The following RBMXL2 variants were observed in gnomAD, a reference collection of about 807,000 sequenced individuals.
RBMXL2 encodes RNA-binding motif protein, X-linked-like-2.
In RBMXL2, 2 loss-of-function variants were observed where a neutral mutation model predicts 1.0. The ratio of observed to expected loss-of-function variants is 2.05; its 90% CI spans 0.84 to 6.44. The LOEUF (loss-of-function observed/expected upper bound fraction) is 6.44, where lower values mean the gene tolerates loss of function less well. RBMXL2 is among the 30% of genes most tolerant of loss of function. RBMXL2 has a pLI of 0.05. For synonymous variants in RBMXL2, 313 were observed against 267.9 expected (o/e 1.17, Z -1.64); for missense variants, 658 against 608.5 (o/e 1.08, Z -0.85).
In RBMXL2 at chr11:7,089,603, C is replaced by G; in HGVS notation, c.483C>G (p.Pro161=). ...GPPPRRVGPP[P]KRAAPSGPAR... ...CGCCGCGCAGGGTCGGCCCACCCCC[C>G]AAGAGGGCCGCGCCGTCGGGCCCGG... is the stretch of plus-strand genomic sequence containing the variant. The change falls in exon 1 of 1, where the codon CCC becomes CCG. Residue 161 remains proline (P), a synonymous_variant. Transcript: ENST00000306904. 3.3e-6 allele frequency: 4 copies of G among 1,195,804 alleles called. No homozygotes were observed. The highest frequency in any genetic ancestry group is 2.1e-6 in the Non-Finnish European group (2 of 965,440). 74.1% of individuals were successfully genotyped at this position (1,195,804 alleles called of 1,614,324 possible).
In RBMXL2 at chr11:7,089,933, G is replaced by C. The variant is rs138708788; in HGVS notation, c.813G>C (p.Gly271=). Residue 271 remains glycine, a synonymous_variant, in exon 1 of 1, where the codon GGG becomes GGC. Coordinates refer to ENST00000306904, the MANE Select transcript of RBMXL2 (RefSeq NM_014469.5). ...ACGGAGGTCGCGACCGTGACTACGG[G>C]GATCATCTGAGCAGAGGCTCCCATC... ...DGYGGRDRDY[G]DHLSRGSHRE... The C allele has an allele frequency of 4.3e-6, 7 of 1,612,900 alleles. No individual in the cohort carries two copies. The African/African-American group carries it at 5.3e-5, about 12-fold the overall frequency.
chr11:7,089,945 C>A lies in RBMXL2; in HGVS notation c.825C>A (p.Ser275Arg). 6.2e-7 allele frequency: 1 copy of A among 1,613,054 alleles called. No individual in the cohort carries two copies. The highest frequency in any genetic ancestry group is 1.1e-5 in the South Asian group (1 of 91,064). Residue 275 changes from serine (S) to arginine (R), a missense_variant, in exon 1 of 1, where the codon AGC becomes AGA. By Grantham distance (110) the Ser-to-Arg change is moderately radical. Transcript: ENST00000306904. ...ACCGTGACTACGGGGATCATCTGAG[C>A]AGAGGCTCCCATCGAGAGCCCTTTG... ...GRDRDYGDHL[S>R]RGSHREPFES...
rs1429854690 is a variant in RBMXL2 at position 7,090,433 on chromosome 11, C to A, written c.*134C>A. Reference sequence around the variant, plus strand: ...CCTTTTAAGAATTTCCTGTTAAGATCGTCTCCATTTTTATGCTTTTGGGAG... The same window carrying A: ...CCTTTTAAGAATTTCCTGTTAAGATAGTCTCCATTTTTATGCTTTTGGGAG... On this transcript the variant is annotated 3_prime_UTR_variant, in exon 1 of 1. Transcript: ENST00000306904. 1.5e-5 allele frequency: 18 copies of A among 1,179,550 alleles called. No individual in the cohort carries two copies. The highest frequency in any genetic ancestry group is 2.2e-5 in the Non-Finnish European group (18 of 821,000). 73.1% of individuals were successfully genotyped at this position (1,179,550 alleles called of 1,614,324 possible). A position where few individuals can be genotyped will look rare whatever the true frequency, so the allele number is the denominator to read the frequency against.
At position 7,089,685 on chromosome 11, in the gene RBMXL2, G is replaced by C; in HGVS notation, c.565G>C (p.Gly189Arg). Residue 189 changes from glycine (G) to arginine (R), a missense_variant, in exon 1 of 1, where the codon GGC becomes CGC. Transcript: ENST00000306904. ...GRALAVRGRD[G>R]YSGPPRREPL... is the part of the protein sequence containing the mutation. ...GGCCCTGGCCGTGCGGGGGCGAGAC[G>C]GCTACTCAGGCCCACCGCGCCGGGA... is the stretch of plus-strand genomic sequence containing the variant. 2 of 1,497,892 alleles carry C rather than the reference G, an allele frequency of 1.3e-6. No homozygotes were observed. The highest frequency in any genetic ancestry group is 1.8e-6 in the Non-Finnish European group (2 of 1,123,898). 92.8% of individuals were successfully genotyped at this position (1,497,892 alleles called of 1,614,324 possible).
chr11:7,089,880 T>G lies in RBMXL2; in HGVS notation c.760T>G (p.Leu254Val). Residue 254 changes from leucine to valine, a missense_variant, in exon 1 of 1, where the codon TTG (leucine) becomes GTG (valine). Transcript: ENST00000306904. Reference sequence around the variant, plus strand: ...CTCCAGTGTCCGGGACGACTGTCCCTTGAGAGGCTACAGCGACCGAGACGG... The same window carrying G: ...CTCCAGTGTCCGGGACGACTGTCCCGTGAGAGGCTACAGCGACCGAGACGG... ...GHSSVRDDCP[L>V]RGYSDRDGYG... is the part of the protein sequence containing the mutation. 6 of 1,612,666 alleles carry G rather than the reference T, an allele frequency of 3.7e-6. No individual in the cohort carries two copies. Among genetic ancestry groups the G allele is most frequent in the Non-Finnish European group, 5.1e-6 (6 of 1,179,922 alleles).
At position 7,090,685 on chromosome 11, in the gene RBMXL2, C is replaced by A; in HGVS notation, c.*386C>A. The A allele has an allele frequency of 4.9e-5, 15 of 306,732 alleles. No homozygotes were observed. The highest frequency in any genetic ancestry group is 8.5e-5 in the Non-Finnish European group (13 of 153,096). 19.0% of individuals were successfully genotyped at this position (306,732 alleles called of 1,614,324 possible). A position where few individuals can be genotyped will look rare whatever the true frequency, so the allele number is the denominator to read the frequency against. The stretch of plus-strand genomic sequence containing the variant: ...AAATGGAAAAACGGATCATTCTGCT[C>A]ATTTAAACCAACTAGATTTTGGGTG... On this transcript the variant is annotated 3_prime_UTR_variant, in exon 1 of 1. Transcript: ENST00000306904.
Position 7,090,389 on chromosome 11 carries a change from C to T in RBMXL2, c.*90C>T, listed in dbSNP as rs1446791847. On this transcript the variant is annotated 3_prime_UTR_variant, in exon 1 of 1. Transcript: ENST00000306904. ...TATGGTAACTACCCAAGGACTAGTA[C>T]AAGGAAGAGTTGTTTTTACCTTTTA... The T allele has an allele frequency of 4.9e-6, 7 of 1,414,622 alleles. No individual in the cohort carries two copies. Among genetic ancestry groups the T allele is most frequent in the Middle Eastern group, 4.8e-4 (2 of 4,172 alleles). The allele number at this position is 1,414,622 out of a possible 1,614,324, so 87.6% of individuals were successfully genotyped here. A position where few individuals can be genotyped will look rare whatever the true frequency, so the allele number is the denominator to read the frequency against.
Position 7,089,327 on chromosome 11 carries a change from G to C in RBMXL2, c.207G>C (p.Met69Ile), listed in dbSNP as rs770311310. The change falls in exon 1 of 1, where the codon ATG becomes ATC. Residue 69 changes from methionine (M) to isoleucine (I), a missense_variant. Physicochemically the swap from Met to Ile is conservative, Grantham distance 10 (BLOSUM62 1). Coordinates refer to ENST00000306904, the MANE Select transcript of RBMXL2 (RefSeq NM_014469.5). Reference sequence around the variant, plus strand: ...ACGCCAAGGCCGCCGCCAGAGACATGAACGGCAAGTCCCTGGATGGTAAGG... The same window carrying C: ...ACGCCAAGGCCGCCGCCAGAGACATCAACGGCAAGTCCCTGGATGGTAAGG... ...PADAKAAARDMNGKSLDGKAI... is the reference protein window; with the variant it reads ...PADAKAAARDINGKSLDGKAI... The C allele has an allele frequency of 6.2e-7, 1 of 1,607,784 alleles. No individual in the cohort carries two copies. The highest frequency in any genetic ancestry group is 1.7e-5 in the Admixed American group (1 of 59,488).
Position 7,090,599 on chromosome 11 carries a change from A to G in RBMXL2, c.*300A>G. On this transcript the variant is annotated 3_prime_UTR_variant, in exon 1 of 1. Coordinates refer to ENST00000306904, the MANE Select transcript of RBMXL2 (RefSeq NM_014469.5). ...TTCGATTAATGGCTTCTTCCCTTGT[A>G]AATTTTCTTGATAAATGAGGCAAAC... 1 of 431,242 alleles carries G rather than the reference A, an allele frequency of 2.3e-6. No individual in the cohort carries two copies. Among genetic ancestry groups the G allele is most frequent in the Non-Finnish European group, 4.4e-6 (1 of 224,882 alleles). The allele number at this position is 431,242 out of a possible 1,614,324, so 26.7% of individuals were successfully genotyped here.
rs903615100 is a variant in RBMXL2, at chr11:7,089,258, C to G, written c.138C>G (p.Asn46Lys). 3.7e-6 allele frequency: 6 copies of G among 1,611,572 alleles called. No individual in the cohort carries two copies. Among genetic ancestry groups the G allele is most frequent in the Non-Finnish European group, 5.1e-6 (6 of 1,178,738 alleles). Reference sequence around the variant, plus strand: ...TCCTGATGAAAGACCGAGAAACCAACAAGTCGAGGGGCTTCGCGTTCGTCA... The same window carrying G: ...TCCTGATGAAAGACCGAGAAACCAAGAAGTCGAGGGGCTTCGCGTTCGTCA... ...EVLLMKDRET[N>K]KSRGFAFVTF... Residue 46 changes from asparagine to lysine, a missense_variant, in exon 1 of 1, where the codon AAC becomes AAG. Asn to Lys is a moderately conservative substitution (Grantham distance 94, BLOSUM62 0). Coordinates refer to ENST00000306904, the MANE Select transcript of RBMXL2 (RefSeq NM_014469.5).
In RBMXL2 at chr11:7,089,323, A is replaced by C. The variant is rs1222452543; in HGVS notation, c.203A>C (p.Asp68Ala). The C allele has an allele frequency of 8.1e-6, 13 of 1,607,518 alleles. No homozygotes were observed. Among genetic ancestry groups the C allele is most frequent in the African/African-American group, 1.3e-5 (1 of 74,696 alleles). The change falls in exon 1 of 1, where the codon GAC (aspartate) becomes GCC (alanine). Residue 68 changes from aspartate (D) to alanine (A), a missense_variant. By Grantham distance (126) the Asp-to-Ala change is moderately radical. Transcript: ENST00000306904. ...GCAGACGCCAAGGCCGCCGCCAGAG[A>C]CATGAACGGCAAGTCCCTGGATGGT... The part of the protein sequence containing the change: ...SPADAKAAAR[D>A]MNGKSLDGKA...
rs1435313971 is a variant in RBMXL2, at chr11:7,089,834, C to T, written c.714C>T (p.Tyr238=). The part of the protein sequence containing the change: ...PRGFAPSPGE[Y]THRDYGHSSV... ...GTTTTGCCCCCTCGCCCGGAGAGTA[C>T]ACCCACCGCGATTACGGCCACTCCA... Residue 238 remains tyrosine, a synonymous_variant, in exon 1 of 1, where the codon TAC becomes TAT. Coordinates refer to ENST00000306904, the MANE Select transcript of RBMXL2 (RefSeq NM_014469.5). 6.2e-7 allele frequency: 1 copy of T among 1,610,726 alleles called. No individual in the cohort carries two copies. The highest frequency in any genetic ancestry group is 8.5e-7 in the Non-Finnish European group (1 of 1,179,816).
At position 7,089,105 on chromosome 11, in the gene RBMXL2, CGT is replaced by C. The variant is rs1565035229; in HGVS notation, c.-15_-14del. The C allele has an allele frequency of 6.2e-7, 1 of 1,610,950 alleles. No individual in the cohort carries two copies. The highest frequency in any genetic ancestry group is 8.5e-7 in the Non-Finnish European group (1 of 1,178,404). ...CCGCCTCCCACCGCCACTGACCGAC[CGT>C]TCGACCGGCAAACATGGTTGAAGCG... On this transcript the variant is annotated 5_prime_UTR_variant, in exon 1 of 1. Transcript: ENST00000306904.
Position 7,089,624 on chromosome 11 carries a change from C to T in RBMXL2, c.504C>T (p.Gly168=), listed in dbSNP as rs1312335022. ...CCCCCAAGAGGGCCGCGCCGTCGGG[C>T]CCGGCTCGCAGCAGCGGCGGTGGAA... ...GPPPKRAAPS[G]PARSSGGGMR... is the part of the protein sequence containing the mutation. Residue 168 remains glycine (G), a synonymous_variant, in exon 1 of 1, where the codon GGC becomes GGT. Transcript: ENST00000306904. The T allele has an allele frequency of 1.2e-5, 15 of 1,244,942 alleles. 1 individual carries two copies. Among genetic ancestry groups the T allele is most frequent in the African/African-American group, 8.0e-5 (5 of 62,506 alleles). The allele number at this position is 1,244,942 out of a possible 1,614,324, so 77.1% of individuals were successfully genotyped here. A position where few individuals can be genotyped will look rare whatever the true frequency, so the allele number is the denominator to read the frequency against.
chr11:7,089,728 G>A lies in RBMXL2; in HGVS notation c.608G>A (p.Arg203His). Residue 203 changes from arginine (R) to histidine (H), a missense_variant, in exon 1 of 1, where the codon CGC becomes CAC. By Grantham distance (29) the Arg-to-His change is conservative. Transcript: ENST00000306904. ...PPRREPLPPR[R>H]DPYLGPRDEG... ...CGCCGGGAGCCGCTGCCCCCGCGCC[G>A]CGACCCCTACCTGGGCCCGCGGGAT... The A allele has an allele frequency of 2.0e-6, 3 of 1,513,950 alleles. No homozygotes were observed. The highest frequency in any genetic ancestry group is 1.8e-6 in the Non-Finnish European group (2 of 1,132,814). The allele number at this position is 1,513,950 out of a possible 1,614,324, so 93.8% of individuals were successfully genotyped here. A position where few individuals can be genotyped will look rare whatever the true frequency, so the allele number is the denominator to read the frequency against.
In RBMXL2 at chr11:7,090,290, C is replaced by G. The variant is rs949113157; in HGVS notation, c.1170C>G (p.Ser390Arg). 2 of 1,597,964 alleles carry G rather than the reference C, an allele frequency of 1.3e-6. No individual in the cohort carries two copies. The highest frequency in any genetic ancestry group is 3.5e-5 in the Admixed American group (2 of 57,318). Residue 390 changes from serine to arginine, a missense_variant, in exon 1 of 1, where the codon AGC becomes AGG. Transcript: ENST00000306904. ...GGRLERGGGRSRY is the reference protein window; with the variant it reads ...GGRLERGGGRRRY Reference sequence around the variant, plus strand: ...GCTTGGAGAGAGGAGGAGGCCGGAGCAGATACTAAGCAGGAACAGACTTGG... The same window carrying G: ...GCTTGGAGAGAGGAGGAGGCCGGAGGAGATACTAAGCAGGAACAGACTTGG...
At position 7,089,415 on chromosome 11, in the gene RBMXL2, C is replaced by T. The variant is rs1853083720; in HGVS notation, c.295C>T (p.Pro99Ser). 1.3e-6 allele frequency: 2 copies of T among 1,574,146 alleles called. No individual in the cohort carries two copies. Among genetic ancestry groups the T allele is most frequent in the African/African-American group, 1.4e-5 (1 of 73,888 alleles). Residue 99 changes from proline to serine, a missense_variant, in exon 1 of 1, where the codon CCC (proline) becomes TCC (serine). Coordinates refer to ENST00000306904, the MANE Select transcript of RBMXL2 (RefSeq NM_014469.5). ...FESSRRGPPP[P>S]RSRGRPRFLR... ...GAGCAGCCGGCGGGGCCCGCCGCCT[C>T]CCCGCAGCCGCGGTCGCCCGAGGTT... is the stretch of plus-strand genomic sequence containing the variant.
chr11:7,089,522 G>A lies in RBMXL2; in HGVS notation c.402G>A (p.Thr134=), dbSNP rs1260403434. The stretch of plus-strand genomic sequence containing the variant: ...GGCCCGATGATGACGGCGGCTACAC[G>A]GCGGATTTCGACCTGCGGCCCTCCA... The part of the protein sequence containing the change: ...RGGPDDDGGY[T]ADFDLRPSRA... Residue 134 remains threonine, a synonymous_variant, in exon 1 of 1, where the codon ACG becomes ACA. Transcript: ENST00000306904. 1 of 1,210,416 alleles carries A rather than the reference G, an allele frequency of 8.3e-7. No individual in the cohort carries two copies. The highest frequency in any genetic ancestry group is 1.0e-6 in the Non-Finnish European group (1 of 973,982). The allele number at this position is 1,210,416 out of a possible 1,614,324, so 75.0% of individuals were successfully genotyped here. A position where few individuals can be genotyped will look rare whatever the true frequency, so the allele number is the denominator to read the frequency against.
rs754650853 is a variant in RBMXL2, at chr11:7,089,853, C to G, written c.733C>G (p.His245Asp). 5 of 1,612,344 alleles carry G rather than the reference C, an allele frequency of 3.1e-6. No individual in the cohort carries two copies. In the Admixed American group the frequency reaches 8.3e-5, roughly 27 times the overall value. ...PGEYTHRDYG[H>D]SSVRDDCPLR... ...AGAGTACACCCACCGCGATTACGGC[C>G]ACTCCAGTGTCCGGGACGACTGTCC... The change falls in exon 1 of 1, where the codon CAC becomes GAC. Residue 245 changes from histidine (H) to aspartate (D), a missense_variant. Physicochemically the swap from His to Asp is moderately conservative, Grantham distance 81. Coordinates refer to ENST00000306904, the MANE Select transcript of RBMXL2 (RefSeq NM_014469.5).
Sources: allele counts gnomAD v4.1 joint callset, GRCh38; gene constraint gnomAD v4.1.1; transcripts MANE v1.5; gene names NCBI Gene and HGNC (gene_info 2026-07-23, HGNC 2026-07-21).